DYNC1I1: variants seen among roughly 807,000 people sequenced by gnomAD.
The protein encoded by DYNC1I1 is cytoplasmic dynein 1 intermediate chain 1.
A neutral mutation model predicts 86.6 loss-of-function variants in DYNC1I1; 43 were observed. The observed-to-expected ratio is 0.50, with a 90% CI of 0.39 to 0.64. DYNC1I1 has a LOEUF of 0.64. DYNC1I1 is among the 30% of genes least tolerant of loss of function. DYNC1I1 has a pLI of 0.00. For missense variants in DYNC1I1, 604 were observed against 788.8 expected, an observed-to-expected ratio of 0.77 and a Z score of 2.81; for synonymous variants, 262 against 283.7, an observed-to-expected ratio of 0.92 and a Z score of 0.77.
intron 14 of DYNC1I1, among the ~76,000 whole-genome samples, chr7:96,040,352 G>T (rs1042359920): frequency 7.9e-5 from 12 of 152,208 alleles, no homozygotes; most frequent in African/African-American, 2.7e-4. Flanking sequence ...ATCTAGGAAA[G>T]AAATGACAGT....
intron 16 of DYNC1I1, among the ~76,000 whole-genome samples, chr7:96,096,191 C>CAGAT (rs1405004283): frequency 1.3e-5 from 2 of 152,056 alleles, no homozygotes; most frequent in Non-Finnish European, 2.9e-5. Flanking sequence ...TTTTCTTGGA[C>CAGAT]AGATAGTATT....
intron 5 of DYNC1I1, among the ~76,000 whole-genome samples, chr7:95,861,856 A>T (rs1417498904): frequency 2.6e-5 from 4 of 152,168 alleles, no homozygotes; most frequent in African/African-American, 9.7e-5. Context: ...TCCATCCTTC[A>T]TCTGTGAGAT....
In DYNC1I1 at chr7:96,007,819, G is replaced by A. The variant is rs575792495; in HGVS notation, c.969+11746G>A. On this transcript the variant is annotated intron_variant, in intron 10 of 16. Transcript: ENST00000447467. ...AACAGGCAATATCAGTTGAAGCAAA[G>A]CATATTATAAATGCCAAGACCTATA... Among the ~76,000 whole-genome samples, 34 of 152,288 alleles carry A rather than the reference G, an allele frequency of 2.2e-4. 2 individuals are homozygous for A. The South Asian group carries it at 4.1e-3, about 19-fold the overall frequency.
At chr7:95,814,000 A>G (rs549332224) in intron 4 of DYNC1I1, among the ~76,000 whole-genome samples, 28 of 152,300 alleles carry the variant, frequency 1.8e-4, no homozygotes, top group Admixed American at 6.5e-4. Flanking sequence ...TAAAAAGAAG[A>G]AAGGAGAAGT....
At chr7:95,876,744 C>G (rs1264410205) in intron 6 of DYNC1I1, among the ~76,000 whole-genome samples, 2 of 152,098 alleles carry the variant, frequency 1.3e-5, no homozygotes, top group Admixed American at 1.3e-4. Flanking sequence ...TGGAGAGTAA[C>G]AACTGATATG....
At chr7:96,008,828 T>G (rs943129279) in intron 10 of DYNC1I1, among the ~76,000 whole-genome samples, 6 of 152,316 alleles carry the variant, frequency 3.9e-5, no homozygotes, top group African/African-American at 1.4e-4. Flanking sequence ...TGAATTTAAA[T>G]ATATTCTCCA....
intron 6 of DYNC1I1, among the ~76,000 whole-genome samples, chr7:95,896,284 T>G (rs1790881071): frequency 6.6e-6 from 1 of 152,176 alleles, no homozygotes; most frequent in South Asian, 2.1e-4. Context: ...GAAGGTGGTC[T>G]TCTTGGAGAA....
chr7:96,062,739 A>G (rs550087886), intron 14 of DYNC1I1, among the ~76,000 whole-genome samples: 1 of 151,788 alleles, frequency 6.6e-6, no homozygotes, highest in Non-Finnish European at 1.5e-5. Flanking sequence ...CTCCCAACTC[A>G]CTCCCCATCT....
chr7:95,801,102 T>C (rs1794567452), intron 1 of DYNC1I1, among the ~76,000 whole-genome samples: 1 of 152,236 alleles, frequency 6.6e-6, no homozygotes, highest in Non-Finnish European at 1.5e-5. Context: ...CTCCTAGAGG[T>C]TGATGCTAAG....
At chr7:95,928,897 G>A (rs549617541) in intron 6 of DYNC1I1, among the ~76,000 whole-genome samples, 3 of 152,218 alleles carry the variant, frequency 2.0e-5, no homozygotes, top group Admixed American at 2.0e-4. Flanking sequence ...CTGTTTTCTT[G>A]TGCTTGTTAA....
At chr7:96,054,307 G>A (rs1789505299) in intron 14 of DYNC1I1, among the ~76,000 whole-genome samples, 1 of 152,178 alleles carries the variant, frequency 6.6e-6, no homozygotes, top group South Asian at 2.1e-4. Context: ...CCCTGCAAAG[G>A]GCAGGAACTC....
chr7:95,944,467 G>A (rs1362116761), intron 6 of DYNC1I1, among the ~76,000 whole-genome samples: 4 of 152,172 alleles, frequency 2.6e-5, no homozygotes, highest in African/African-American at 4.8e-5. Context: ...TCAGTGTGGC[G>A]ATTCTTCAGG....
intron 6 of DYNC1I1, among the ~76,000 whole-genome samples, chr7:95,939,263 T>C (rs1213370174): frequency 6.6e-6 from 1 of 152,156 alleles, no homozygotes; most frequent in Non-Finnish European, 1.5e-5. Flanking sequence ...CTGAAAAAAA[T>C]GTATATTCTG....
At chr7:95,944,580 T>C (rs1319938516) in intron 6 of DYNC1I1, among the ~76,000 whole-genome samples, 1 of 152,086 alleles carries the variant, frequency 6.6e-6, no homozygotes, top group East Asian at 1.9e-4. Context: ...CACATGTATG[T>C]TTATTGCGGC....
chr7:95,916,721 G>A (rs528518705), intron 6 of DYNC1I1, among the ~76,000 whole-genome samples: 2 of 152,060 alleles, frequency 1.3e-5, no homozygotes, highest in African/African-American at 4.8e-5. Context: ...CAGTTTTGCC[G>A]CTTTGTCCTG....
intron 6 of DYNC1I1, among the ~76,000 whole-genome samples, chr7:95,961,825 C>G (rs1027976105): frequency 2.0e-5 from 3 of 152,220 alleles, no homozygotes; most frequent in Non-Finnish European, 2.9e-5. Context: ...TTTCCTTGCT[C>G]TCACTGCGCC....
chr7:95,956,509 T>A (rs1792718334), intron 6 of DYNC1I1, among the ~76,000 whole-genome samples: 1 of 152,110 alleles, frequency 6.6e-6, no homozygotes, highest in Non-Finnish European at 1.5e-5. Flanking sequence ...CATTAGTTAT[T>A]TCTCCTAATG....
At chr7:95,853,702 A>G (rs909811933) in intron 5 of DYNC1I1, among the ~76,000 whole-genome samples, 9 of 152,024 alleles carry the variant, frequency 5.9e-5, no homozygotes, top group Non-Finnish European at 1.3e-4. Flanking sequence ...TTTAAACCTT[A>G]TGTGTCTTTA....
chr7:95,890,693 G>A (rs1011178936), intron 6 of DYNC1I1, among the ~76,000 whole-genome samples: 6 of 152,088 alleles, frequency 3.9e-5, no homozygotes, highest in African/African-American at 9.7e-5. Context: ...AGTGTGCATC[G>A]CAGTCACCAG....
Sources: allele counts gnomAD v4.1 joint callset (sites outside exome capture counted in the v4.1 genomes callset), GRCh38; gene constraint gnomAD v4.1.1; transcripts MANE v1.5; gene names NCBI Gene and HGNC (gene_info 2026-07-23, HGNC 2026-07-21).